The following HS6ST3 variants were observed in gnomAD, a reference collection of about 807,000 sequenced individuals.
HS6ST3 encodes heparan sulfate 6-O-sulfotransferase 3.
Under a neutral mutation model 36.7 loss-of-function variants are expected in HS6ST3, and 12 were observed. The observed-to-expected ratio is 0.33, with a 90% CI of 0.21 to 0.53. The LOEUF is 0.53. Among genes scored for constraint, HS6ST3 ranks in the 20% least tolerant of loss-of-function variants. HS6ST3 has a pLI of 0.95. For missense variants in HS6ST3, 584 were observed against 640.9 expected (o/e 0.91, Z 0.96); for synonymous variants, 240 against 257.5 (o/e 0.93, Z 0.65).
chr13:96,598,432 G>A (rs998824043), intron 1 of HS6ST3, among the ~76,000 whole-genome samples: 1 of 151,572 alleles, frequency 6.6e-6, no homozygotes, highest in Non-Finnish European at 1.5e-5. Context: ...TTTATTTTTT[G>A]TAGCTATTGT....
intron 1 of HS6ST3, among the ~76,000 whole-genome samples, chr13:96,356,889 A>T (rs565690080): frequency 2.1e-4 from 32 of 152,216 alleles, no homozygotes; most frequent in Admixed American, 2.1e-3. Context: ...CTTCACCTAC[A>T]TTGAAAATCT....
intron 1 of HS6ST3, among the ~76,000 whole-genome samples, chr13:96,444,025 C>T (rs901361875): frequency 1.1e-4 from 17 of 152,156 alleles, no homozygotes; most frequent in Non-Finnish European, 2.1e-4. Flanking sequence ...GAACTATTTA[C>T]ATTATTATTA....
chr13:96,359,948 C>G (rs537502757), intron 1 of HS6ST3, among the ~76,000 whole-genome samples: 1 of 152,138 alleles, frequency 6.6e-6, no homozygotes, highest in Non-Finnish European at 1.5e-5. Context: ...AGGATACACT[C>G]CAGCCACCCC....
At chr13:96,808,392 AC>A (rs777192580) in intron 1 of HS6ST3, among the ~76,000 whole-genome samples, 6 of 152,136 alleles carry the variant, frequency 3.9e-5, no homozygotes, top group Non-Finnish European at 8.8e-5. Flanking sequence ...GAGTCTCTCC[AC>A]AGTTCCCTTT....
chr13:96,665,191 TAAAC>T (rs2056659518), intron 1 of HS6ST3, among the ~76,000 whole-genome samples: 1 of 152,000 alleles, frequency 6.6e-6, no homozygotes, highest in Non-Finnish European at 1.5e-5. Flanking sequence ...AATAAATAAA[TAAAC>T]AAGGCCAAAA....
intron 1 of HS6ST3, among the ~76,000 whole-genome samples, chr13:96,098,551 T>C (rs2053802606): frequency 6.6e-6 from 1 of 152,204 alleles, no homozygotes; most frequent in Non-Finnish European, 1.5e-5. Flanking sequence ...CCAGGCATGG[T>C]GGCTCACACC....
intron 1 of HS6ST3, among the ~76,000 whole-genome samples, chr13:96,573,128 C>A (rs2056307058): frequency 6.6e-6 from 1 of 152,168 alleles, no homozygotes; most frequent in Non-Finnish European, 1.5e-5. Context: ...ATTGAGCAAG[C>A]TGCCTCACCT....
intron 1 of HS6ST3, among the ~76,000 whole-genome samples, chr13:96,740,324 T>C (rs1876406358): frequency 6.6e-6 from 1 of 152,268 alleles, no homozygotes; most frequent in Non-Finnish European, 1.5e-5. Flanking sequence ...GAAGGATTCA[T>C]GAGAGAATGA....
At chr13:96,155,708 AG>A (rs2054107131) in intron 1 of HS6ST3, among the ~76,000 whole-genome samples, 1 of 152,340 alleles carries the variant, frequency 6.6e-6, no homozygotes, top group African/African-American at 2.4e-5. Flanking sequence ...AACTTAAGCA[AG>A]ATTAGTTTAT....
chr13:96,369,502 A>G (rs2055279294), intron 1 of HS6ST3, among the ~76,000 whole-genome samples: 1 of 152,192 alleles, frequency 6.6e-6, no homozygotes, highest in Admixed American at 6.5e-5. Context: ...CTGCCACTGA[A>G]GTCTTTCTAG....
At chr13:96,263,165 ATT>A (rs2054674766) in intron 1 of HS6ST3, among the ~76,000 whole-genome samples, 1 of 152,188 alleles carries the variant, frequency 6.6e-6, no homozygotes, top group Non-Finnish European at 1.5e-5. Flanking sequence ...ATATATGTGA[ATT>A]CTACTGGTGA....
intron 1 of HS6ST3, among the ~76,000 whole-genome samples, chr13:96,099,104 C>T (rs548540069): frequency 2.4e-4 from 37 of 152,020 alleles, no homozygotes; most frequent in Admixed American, 1.4e-3. Context: ...CCACCATGCC[C>T]GGCTAATTTT....
chr13:96,222,499 C>G (rs1220282844), intron 1 of HS6ST3, among the ~76,000 whole-genome samples: 1 of 152,228 alleles, frequency 6.6e-6, no homozygotes. Context: ...GTAACAAGAT[C>G]AGCAAATGCT....
intron 1 of HS6ST3, among the ~76,000 whole-genome samples, chr13:96,655,909 G>A (rs547575): frequency 0.99 from 150,808 of 152,232 alleles, 74,711 homozygotes; most frequent in Middle Eastern, 1. Flanking sequence ...GCATCTCAAG[G>A]ACGAAGGCTG....
rs143321053 is a variant in HS6ST3 at position 96,720,908 on chromosome 13, A to G, written c.708-111582A>G. Among the ~76,000 whole-genome samples, 4 of 152,280 alleles carry G rather than the reference A, an allele frequency of 2.6e-5. No individual in the cohort carries two copies. In the East Asian group the frequency reaches 7.7e-4, roughly 29 times the overall value. ...CATTAAAAGAACAATTCACATTAGC[A>G]TATCATCCTGTTCTCTCTTCCTTGC... On this transcript the variant is annotated intron_variant, in intron 1 of 1. Coordinates refer to ENST00000376705, the MANE Select transcript of HS6ST3 (RefSeq NM_153456.4).
At chr13:96,276,054 C>A (rs935623074) in intron 1 of HS6ST3, among the ~76,000 whole-genome samples, 6 of 151,998 alleles carry the variant, frequency 3.9e-5, no homozygotes, top group African/African-American at 1.5e-4. Flanking sequence ...TATGCCTTAC[C>A]ATTCCCATCA....
chr13:96,799,954 A>ATATATATG (rs1878008157), intron 1 of HS6ST3, among the ~76,000 whole-genome samples: 1 of 95,632 alleles, frequency 1.0e-5, no homozygotes, highest in African/African-American at 5.8e-5. Context: ...GTATATATAT[A>ATATATATG]TATATATATG....
At position 96,245,837 on chromosome 13, in the gene HS6ST3, T is replaced by A. The variant is rs138430502; in HGVS notation, c.707+154268T>A. Among the ~76,000 whole-genome samples the A allele has an allele frequency of 4.4e-3, 663 of 152,282 alleles. 2 individuals are homozygous for A. Among genetic ancestry groups the A allele is most frequent in the Non-Finnish European group, 6.5e-3 (442 of 68,018 alleles). ...AAAATTTGCTTATTTGGGTCTACTC[T>A]GAAATAGAAGCCCCCAAGTGCCTAC... On this transcript the variant is annotated intron_variant, in intron 1 of 1. Transcript: ENST00000376705.
At chr13:96,704,123 C>G (rs932924705) in intron 1 of HS6ST3, among the ~76,000 whole-genome samples, 1 of 152,176 alleles carries the variant, frequency 6.6e-6, no homozygotes, top group African/African-American at 2.4e-5. Context: ...TAAGCACTTC[C>G]TAATTAACTC....
Sources: allele counts gnomAD v4.1 joint callset (sites outside exome capture counted in the v4.1 genomes callset), GRCh38; gene constraint gnomAD v4.1.1; transcripts MANE v1.5; gene names NCBI Gene and HGNC (gene_info 2026-07-23, HGNC 2026-07-21).